The following CAGE1 variants were observed in gnomAD, a reference collection of about 807,000 sequenced individuals.
CAGE1 encodes the protein cancer-associated gene 1 protein.
In CAGE1, 66 loss-of-function variants were observed where a neutral mutation model predicts 94.9. The observed-to-expected ratio is 0.70, with a 90% CI of 0.57 to 0.85. The LOEUF (loss-of-function observed/expected upper bound fraction) is 0.85, where lower values mean the gene tolerates loss of function less well. Among genes scored for constraint, CAGE1 ranks in the 40% least tolerant of loss-of-function variants. The probability of loss-of-function intolerance (pLI) is 0.00; values close to 1 mark genes in which losing one functional copy is unlikely to be tolerated. For missense variants in CAGE1, 865 were observed against 950.4 expected (o/e 0.91, Z 1.18); for synonymous variants, 319 against 321.0 (o/e 0.99, Z 0.07).
chr6:7,341,933 C>T, intron 11 of CAGE1: 1 of 716,238 alleles, frequency 1.4e-6, no homozygotes, highest in African/African-American at 1.7e-5. Context: ...CCGTTCGTGT[C>T]ACTTTCTTGC....
At chr6:7,336,149 T>TC (rs1758946778) in intron 11 of CAGE1, among the ~76,000 whole-genome samples, 4 of 152,202 alleles carry the variant, frequency 2.6e-5, no homozygotes, top group Admixed American at 6.5e-5. Flanking sequence ...AAAGCCTGAG[T>TC]CTATCATGCT....
chr6:7,380,586 G>A (rs573811443), intron 3 of CAGE1, among the ~76,000 whole-genome samples: 5 of 151,362 alleles, frequency 3.3e-5, no homozygotes, highest in Admixed American at 6.6e-5. Flanking sequence ...GCAGTGAGCC[G>A]AGATCATGCC....
Sources: gnomAD v4.1 joint callset for allele counts (sites outside exome capture counted in the v4.1 genomes callset) on GRCh38, gnomAD v4.1.1 for gene constraint, MANE v1.5 for transcripts, NCBI Gene and HGNC (gene_info 2026-07-23, HGNC 2026-07-21) for gene names.